Variants in SLC4A4 observed in about 807,000 individuals in gnomAD.
The protein encoded by SLC4A4 is solute carrier family 4 member 4.
A neutral mutation model predicts 111.5 loss-of-function variants in SLC4A4; 27 were observed. The ratio of observed to expected loss-of-function variants is 0.24; its 90% CI spans 0.18 to 0.33. SLC4A4 has a LOEUF of 0.33. Among genes scored for constraint, SLC4A4 ranks in the 10% least tolerant of loss-of-function variants. SLC4A4 has a pLI of 1.00. For synonymous variants in SLC4A4, 443 were observed against 463.4 expected, an observed-to-expected ratio of 0.96 and a Z score of 0.57; for missense variants, 909 against 1,315.5, an observed-to-expected ratio of 0.69 and a Z score of 4.78.
intron 7 of SLC4A4, among the ~76,000 whole-genome samples, chr4:71,398,080 G>A (rs1251414583): frequency 1.3e-5 from 2 of 152,042 alleles, no homozygotes; most frequent in Non-Finnish European, 2.9e-5. Context: ...GAGGCCAGGA[G>A]TTGAAGACCA....
chr4:71,366,177 C>T (rs960868169), intron 6 of SLC4A4, among the ~76,000 whole-genome samples: 3 of 152,056 alleles, frequency 2.0e-5, no homozygotes, highest in South Asian at 2.1e-4. Flanking sequence ...ATAGCAGTGC[C>T]GAGTGCATAG....
In SLC4A4 at chr4:71,080,311, G is replaced by A. The variant is rs577092635; in HGVS notation, c.-64-12419G>A. On this transcript the variant is annotated intron_variant, in intron 1 of 26. Transcript: ENST00000649996. ...CAGGGCTGGGTCTACTGGGGTCAGC[G>A]TGCACTCTCTCTTTGCTGTTCTCCT... 6.6e-5 allele frequency among the ~76,000 whole-genome samples: 10 copies of A among 152,100 alleles called. 1 individual carries two copies. Among genetic ancestry groups the A allele is most frequent in the South Asian group, 4.1e-4 (2 of 4,820 alleles).
chr4:71,300,840 G>A (rs976659560), intron 3 of SLC4A4: 7 of 463,048 alleles, frequency 1.5e-5, no homozygotes, highest in Non-Finnish European at 3.1e-5. Flanking sequence ...AGTGCTGGAG[G>A]CAGAGACAGT....
At chr4:71,497,794 A>C in intron 16 of SLC4A4, 102 bp downstream of exon 16, 1 of 966,308 alleles carries the variant, frequency 1.0e-6, no homozygotes, top group South Asian at 1.4e-5. Context: ...AATGTGTCCA[A>C]TATAATTTTG....
chr4:71,450,581 A>T, intron 10 of SLC4A4, 38 bp downstream of exon 10: 1 of 1,593,090 alleles, frequency 6.3e-7, no homozygotes, highest in East Asian at 2.3e-5. Context: ...AGTAGCTGAG[A>T]TGACTCTGAG....
chr4:71,082,791 C>T (rs576243427), intron 1 of SLC4A4, among the ~76,000 whole-genome samples: 1 of 151,998 alleles, frequency 6.6e-6, no homozygotes, highest in East Asian at 1.9e-4. Context: ...CCATAACTCC[C>T]TAGGTCCTCT....
chr4:71,256,314 A>T (rs1460818882), intron 3 of SLC4A4, among the ~76,000 whole-genome samples: 1 of 152,194 alleles, frequency 6.6e-6, no homozygotes, highest in Non-Finnish European at 1.5e-5. Context: ...CAGTCATTGC[A>T]GTTGATGACA....
At chr4:71,531,028 G>C (rs1733867220) in intron 16 of SLC4A4, among the ~76,000 whole-genome samples, 1 of 152,104 alleles carries the variant, frequency 6.6e-6, no homozygotes, top group Non-Finnish European at 1.5e-5. Flanking sequence ...TTTATTTACT[G>C]TGGTATCCTT....
intron 1 of SLC4A4, among the ~76,000 whole-genome samples, chr4:71,072,472 T>A (rs1284564134): frequency 6.6e-6 from 1 of 152,184 alleles, no homozygotes; most frequent in African/African-American, 2.4e-5. Context: ...TTCTAATTAG[T>A]GAAGCTTCAA....
intron 15 of SLC4A4, among the ~76,000 whole-genome samples, chr4:71,492,724 T>A (rs1730048971): frequency 6.6e-6 from 1 of 152,036 alleles, no homozygotes; most frequent in South Asian, 2.1e-4. Context: ...CTAAAGTTTG[T>A]CGCTTTTATT....
intron 7 of SLC4A4, among the ~76,000 whole-genome samples, chr4:71,410,993 G>A (rs370535862): frequency 3.3e-5 from 5 of 152,142 alleles, no homozygotes; most frequent in African/African-American, 1.2e-4. Context: ...GGCATATATA[G>A]CAAATGTAAG....
chr4:71,557,639 GTAGTGAT>G, intron 21 of SLC4A4, 66 bp from the exon 22 acceptor site: 1 of 1,399,758 alleles, frequency 7.1e-7, no homozygotes, highest in Non-Finnish European at 1.0e-6. Flanking sequence ...ATATAAATCA[GTAGTGAT>G]TAGTTAGGCA....
intron 7 of SLC4A4, among the ~76,000 whole-genome samples, chr4:71,425,958 G>A (rs1326606024): frequency 6.6e-6 from 1 of 151,968 alleles, no homozygotes; most frequent in African/African-American, 2.4e-5. Flanking sequence ...AAAGGGAAAG[G>A]GAATCTCTAT....
intron 2 of SLC4A4, among the ~76,000 whole-genome samples, chr4:71,118,833 G>T (rs1231428267): frequency 6.6e-6 from 1 of 152,104 alleles, no homozygotes; most frequent in Non-Finnish European, 1.5e-5. Context: ...TTGTAATTTG[G>T]TTTTTATTTG....
chr4:71,476,559 C>G (rs183232401), intron 14 of SLC4A4, among the ~76,000 whole-genome samples: 1 of 151,700 alleles, frequency 6.6e-6, no homozygotes, highest in Non-Finnish European at 1.5e-5. Context: ...AAAGAAACCT[C>G]TCTTCATGGC....
chr4:71,413,335 T>A (rs189385609), intron 7 of SLC4A4, among the ~76,000 whole-genome samples: 23 of 152,320 alleles, frequency 1.5e-4, no homozygotes, highest in Admixed American at 1.0e-3. Context: ...CTTATAGTAT[T>A]GAATTCTTAA....
intron 2 of SLC4A4, among the ~76,000 whole-genome samples, chr4:71,254,906 T>C (rs1322145287): frequency 6.6e-6 from 1 of 152,128 alleles, no homozygotes; most frequent in Non-Finnish European, 1.5e-5. Flanking sequence ...AGACAACTAA[T>C]TGATGGCAGA....
At chr4:71,347,458 C>T (rs1279974431) in intron 4 of SLC4A4, among the ~76,000 whole-genome samples, 1 of 152,102 alleles carries the variant, frequency 6.6e-6, no homozygotes, top group East Asian at 1.9e-4. Context: ...TGAGAGCCTG[C>T]TTTCTCACAC....
intron 14 of SLC4A4, among the ~76,000 whole-genome samples, chr4:71,478,563 A>G (rs760276749): frequency 2.6e-5 from 4 of 151,582 alleles, no homozygotes; most frequent in Admixed American, 6.6e-5. Context: ...AACAATGAGA[A>G]CATATGGGCA....
Sources: allele counts gnomAD v4.1 joint callset (sites outside exome capture counted in the v4.1 genomes callset), GRCh38; gene constraint gnomAD v4.1.1; transcripts MANE v1.5; gene names NCBI Gene and HGNC (gene_info 2026-07-23, HGNC 2026-07-21).